ZBTB20: variants seen among roughly 807,000 people sequenced by gnomAD.
The protein encoded by ZBTB20 is zinc finger and BTB domain containing 20, also known as zinc finger and BTB domain-containing protein 20.
ZBTB20 carries 9 observed loss-of-function variants against 56.9 expected under a neutral mutation model. That is an observed-to-expected ratio of 0.16 (90% CI 0.10 to 0.28). The LOEUF is 0.28. Ranked by LOEUF, ZBTB20 falls within the 10% of genes least tolerant of loss-of-function variation. The pLI, the probability that ZBTB20 is intolerant of heterozygous loss-of-function variation, is 1.00. For synonymous variants in ZBTB20, 417 were observed against 420.7 expected (o/e 0.99, Z 0.11); for missense variants, 655 against 1,003.0 (o/e 0.65, Z 4.69).
chr3:115,141,624 G>C (rs972222652), intron 1 of ZBTB20, among the ~76,000 whole-genome samples: 2 of 152,136 alleles, frequency 1.3e-5, no homozygotes, highest in Non-Finnish European at 2.9e-5. Context: ...ATTCAACACA[G>C]AGTATGAAGG....
chr3:114,668,706 G>A (rs1317088699), intron 6 of ZBTB20, among the ~76,000 whole-genome samples: 1 of 152,048 alleles, frequency 6.6e-6, no homozygotes, highest in East Asian at 1.9e-4. Context: ...GTCAATAGCA[G>A]TGTGCCAGCT....
At chr3:114,727,318 C>A (rs1003316075) in intron 5 of ZBTB20, among the ~76,000 whole-genome samples, 5 of 152,206 alleles carry the variant, frequency 3.3e-5, no homozygotes, top group Non-Finnish European at 5.9e-5. Context: ...CAAAAAGCCT[C>A]TGTCAGTTTC....
intron 5 of ZBTB20, among the ~76,000 whole-genome samples, chr3:114,767,331 A>G (rs2068856198): frequency 6.6e-6 from 1 of 152,102 alleles, no homozygotes; most frequent in South Asian, 2.1e-4. Flanking sequence ...GTACTTCTGC[A>G]GAACAGAGTA....
intron 11 of ZBTB20, among the ~76,000 whole-genome samples, chr3:114,345,218 CA>C (rs2080094411): frequency 6.6e-6 from 1 of 151,848 alleles, no homozygotes; most frequent in Non-Finnish European, 1.5e-5. Context: ...GCACATTGAC[CA>C]AATGAATGGG....
chr3:115,101,788 C>T (rs572407046), intron 1 of ZBTB20, among the ~76,000 whole-genome samples: 7 of 152,132 alleles, frequency 4.6e-5, no homozygotes, highest in South Asian at 2.1e-4. Context: ...AAAAATCATC[C>T]TTTTTATGTG....
At chr3:114,704,439 T>C (rs2063588413) in intron 5 of ZBTB20, among the ~76,000 whole-genome samples, 1 of 152,062 alleles carries the variant, frequency 6.6e-6, no homozygotes, top group African/African-American at 2.4e-5. Context: ...CCCACAAAAA[T>C]GTATGAATGT....
chr3:114,697,411 G>A (rs1245773485), intron 5 of ZBTB20, among the ~76,000 whole-genome samples: 1 of 151,976 alleles, frequency 6.6e-6, no homozygotes, highest in African/African-American at 2.4e-5. Flanking sequence ...CAGTTAAGGT[G>A]CTGACAATTA....
At chr3:115,116,011 A>C (rs1391323898) in intron 1 of ZBTB20, among the ~76,000 whole-genome samples, 1 of 152,046 alleles carries the variant, frequency 6.6e-6, no homozygotes, top group Non-Finnish European at 1.5e-5. Context: ...AAGTGTTCAT[A>C]ATATGTTTCA....
At chr3:114,490,442 C>T (rs1446142272) in intron 7 of ZBTB20, among the ~76,000 whole-genome samples, 6 of 151,996 alleles carry the variant, frequency 3.9e-5, no homozygotes, top group African/African-American at 1.2e-4. Flanking sequence ...AGGCTGGTCT[C>T]GAACTCTTGA....
chr3:115,096,443 TGTA>T (rs772346244), intron 1 of ZBTB20, among the ~76,000 whole-genome samples: 3 of 152,154 alleles, frequency 2.0e-5, no homozygotes, highest in Admixed American at 6.5e-5. Flanking sequence ...CCACCAAAAA[TGTA>T]GTTTGTTAAA....
At chr3:114,704,086 A>G (rs1196917078) in intron 5 of ZBTB20, among the ~76,000 whole-genome samples, 1 of 152,172 alleles carries the variant, frequency 6.6e-6, no homozygotes, top group African/African-American at 2.4e-5. Flanking sequence ...TAACAGTAAT[A>G]AATCTTCCTG....
chr3:114,983,625 G>A (rs1363606188), intron 2 of ZBTB20, among the ~76,000 whole-genome samples: 2 of 151,984 alleles, frequency 1.3e-5, no homozygotes, highest in African/African-American at 2.4e-5. Context: ...GCTTCAGACT[G>A]ATATGAAAGG....
chr3:114,970,473 T>C (rs2077826516), intron 3 of ZBTB20, among the ~76,000 whole-genome samples: 1 of 152,332 alleles, frequency 6.6e-6, no homozygotes, highest in African/African-American at 2.4e-5. Context: ...TCTTGGACAA[T>C]GTTCGTGCTT....
At chr3:115,059,621 T>C (rs2081945550) in intron 2 of ZBTB20, among the ~76,000 whole-genome samples, 1 of 152,178 alleles carries the variant, frequency 6.6e-6, no homozygotes, top group Non-Finnish European at 1.5e-5. Context: ...CTTTTGCAGA[T>C]TTCCAAAGTT....
intron 7 of ZBTB20, among the ~76,000 whole-genome samples, chr3:114,408,838 A>T (rs888228584): frequency 1.3e-5 from 2 of 152,104 alleles, no homozygotes; most frequent in Non-Finnish European, 2.9e-5. Flanking sequence ...AGAGTTAAAA[A>T]TCCCCGGGAG....
At chr3:114,848,495 C>A (rs183540530) in intron 4 of ZBTB20, among the ~76,000 whole-genome samples, 24 of 152,306 alleles carry the variant, frequency 1.6e-4, no homozygotes, top group Non-Finnish European at 3.4e-4. Context: ...GAAATTCTTA[C>A]AATAGCTCTC....
At chr3:114,935,352 C>T (rs932653278) in intron 3 of ZBTB20, among the ~76,000 whole-genome samples, 20 of 152,188 alleles carry the variant, frequency 1.3e-4, no homozygotes, top group Admixed American at 3.9e-4. Flanking sequence ...CTTGAGGAAG[C>T]TCTTCAAGGC....
intron 6 of ZBTB20, among the ~76,000 whole-genome samples, chr3:114,660,829 A>G (rs1401321627): frequency 6.6e-6 from 1 of 152,068 alleles, no homozygotes; most frequent in African/African-American, 2.4e-5. Flanking sequence ...AATTTTGGAG[A>G]AGAAAATGAA....
rs148486415 is a variant in ZBTB20, at chr3:114,864,975, T to C, written c.-417+35329A>G. Among the ~76,000 whole-genome samples the C allele has an allele frequency of 9.6e-4, 146 of 152,194 alleles. 1 individual carries two copies. The highest frequency in any genetic ancestry group is 5.6e-3 in the East Asian group (29 of 5,190). ...AATTTTTTTGGAAGGAAGAGTAATA[T>C]ACACATTATAATTTTCTCTGGAGTT... On this transcript the variant is annotated intron_variant, in intron 4 of 11. Transcript: ENST00000675478.
Sources: allele counts gnomAD v4.1 joint callset (sites outside exome capture counted in the v4.1 genomes callset), GRCh38; gene constraint gnomAD v4.1.1; transcripts MANE v1.5; gene names NCBI Gene and HGNC (gene_info 2026-07-23, HGNC 2026-07-21).